IQCM: variants seen among roughly 807,000 people sequenced by gnomAD.
IQCM encodes IQ domain-containing protein M.
IQCM carries 45 observed loss-of-function variants against 57.6 expected under a neutral mutation model. That is an observed-to-expected ratio of 0.78 (90% CI 0.62 to 1.00). The LOEUF (loss-of-function observed/expected upper bound fraction) is 1.00, where lower values mean the gene tolerates loss of function less well. Among genes scored for constraint, IQCM ranks in the 50% least tolerant of loss-of-function variants. IQCM has a pLI of 0.00. For synonymous variants in IQCM, 148 were observed against 158.9 expected, an observed-to-expected ratio of 0.93 and a Z score of 0.51; for missense variants, 468 against 511.6, an observed-to-expected ratio of 0.91 and a Z score of 0.82.
intron 12 of IQCM, among the ~76,000 whole-genome samples, chr4:149,546,769 T>C (rs2149891614): frequency 6.6e-6 from 1 of 152,300 alleles, no homozygotes; most frequent in East Asian, 1.9e-4. Context: ...ATTCTGTAGG[T>C]TGTCTGTTCA....
intron 13 of IQCM, among the ~76,000 whole-genome samples, chr4:149,421,952 C>T (rs967444948): frequency 2.0e-5 from 3 of 151,984 alleles, no homozygotes; most frequent in Admixed American, 2.0e-4. Flanking sequence ...TACATAATGA[C>T]ATACCTTTAA....
chr4:149,356,279 T>G (rs1728972483), intron 13 of IQCM, among the ~76,000 whole-genome samples: 1 of 152,230 alleles, frequency 6.6e-6, no homozygotes, highest in Non-Finnish European at 1.5e-5. Context: ...TTGGCTTTTG[T>G]TGCCTTTGCT....
intron 12 of IQCM, among the ~76,000 whole-genome samples, chr4:149,515,589 C>T (rs2359556): frequency 0.47 from 72,207 of 152,042 alleles, 17,694 homozygotes; most frequent in Non-Finnish European, 0.54. Flanking sequence ...CAGGTACCAC[C>T]TGAAAGTGGA....
At chr4:149,417,028 G>A (rs990070637) in intron 13 of IQCM, among the ~76,000 whole-genome samples, 14 of 152,086 alleles carry the variant, frequency 9.2e-5, no homozygotes, top group African/African-American at 3.4e-4. Flanking sequence ...TGAGGGAAAA[G>A]ATTTAGACCT....
intron 13 of IQCM, among the ~76,000 whole-genome samples, chr4:149,367,014 C>G (rs967034207): frequency 6.6e-6 from 1 of 152,110 alleles, no homozygotes; most frequent in Non-Finnish European, 1.5e-5. Flanking sequence ...GTATTTAATT[C>G]TGTGCAAGGC....
intron 12 of IQCM, among the ~76,000 whole-genome samples, chr4:149,528,922 C>T (rs547687030): frequency 3.2e-4 from 49 of 152,058 alleles, no homozygotes; most frequent in African/African-American, 1.1e-3. Flanking sequence ...TTTTATTCTG[C>T]TGCACTAAAG....
intron 2 of IQCM, among the ~76,000 whole-genome samples, chr4:149,752,550 T>TTA (rs1768553629): frequency 7.1e-6 from 1 of 141,240 alleles, no homozygotes; most frequent in South Asian, 2.3e-4. Context: ...GACTCTGTCT[T>TTA]AAAAAAAAAA....
At chr4:149,682,509 G>A (rs906746091) in intron 6 of IQCM, among the ~76,000 whole-genome samples, 2 of 151,102 alleles carry the variant, frequency 1.3e-5, no homozygotes, top group African/African-American at 4.8e-5. Context: ...TTTCTTCAGT[G>A]TTTTGCAAGA....
intron 12 of IQCM, among the ~76,000 whole-genome samples, chr4:149,516,344 A>G (rs1294206793): frequency 8.5e-5 from 13 of 152,172 alleles, no homozygotes. Flanking sequence ...GGACTCACAG[A>G]GTGCCTTACA....
chr4:149,499,480 T>C (rs956427330), intron 12 of IQCM, among the ~76,000 whole-genome samples: 2 of 152,168 alleles, frequency 1.3e-5, no homozygotes, highest in Admixed American at 6.6e-5. Flanking sequence ...TGAACCTATA[T>C]TGGATAATAA....
chr4:149,463,172 C>A (rs1214731271), intron 12 of IQCM, among the ~76,000 whole-genome samples: 2 of 152,070 alleles, frequency 1.3e-5, no homozygotes, highest in Non-Finnish European at 2.9e-5. Context: ...ATGGGGTTCT[C>A]CAATGAAAAT....
chr4:149,569,598 T>C (rs1456608507), intron 9 of IQCM, among the ~76,000 whole-genome samples: 1 of 152,168 alleles, frequency 6.6e-6, no homozygotes, highest in Non-Finnish European at 1.5e-5. Flanking sequence ...TTACAGGTTA[T>C]AAATTTCATC....
At chr4:149,676,952 T>C (rs1761802025) in intron 7 of IQCM, among the ~76,000 whole-genome samples, 1 of 151,830 alleles carries the variant, frequency 6.6e-6, no homozygotes, top group Non-Finnish European at 1.5e-5. Context: ...ACACAAAAAT[T>C]ATGAACACAA....
chr4:149,428,669 C>T (rs932997980), intron 13 of IQCM, among the ~76,000 whole-genome samples: 1 of 151,772 alleles, frequency 6.6e-6, no homozygotes, highest in Non-Finnish European at 1.5e-5. Context: ...TTGCTGGAAT[C>T]TTTAAAGCTA....
At chr4:149,517,256 G>C (rs1745076186) in intron 12 of IQCM, among the ~76,000 whole-genome samples, 1 of 152,046 alleles carries the variant, frequency 6.6e-6, no homozygotes, top group Non-Finnish European at 1.5e-5. Flanking sequence ...GACTTAATTG[G>C]CATGAATATT....
intron 12 of IQCM, among the ~76,000 whole-genome samples, chr4:149,546,869 G>T (rs559667492): frequency 1.3e-5 from 2 of 152,082 alleles, no homozygotes; most frequent in East Asian, 3.9e-4. Flanking sequence ...CATTGCTTTT[G>T]GTGTTTTAGA....
At chr4:149,815,532 G>A (rs1278356980) in intron 1 of IQCM, 68 bp downstream of exon 1, 9 of 151,906 alleles carry the variant, frequency 5.9e-5, no homozygotes, top group Admixed American at 1.3e-4. Context: ...CAGAAAGTGT[G>A]TAAAGCTTTT....
At chr4:149,714,514 T>C (rs374387066) in intron 5 of IQCM, among the ~76,000 whole-genome samples, 1 of 152,200 alleles carries the variant, frequency 6.6e-6, no homozygotes, top group Non-Finnish European at 1.5e-5. Flanking sequence ...CATTTCAGAC[T>C]TTATATAGTA....
chr4:149,802,016 A>ATG (rs1773649122), intron 2 of IQCM, among the ~76,000 whole-genome samples: 1 of 151,806 alleles, frequency 6.6e-6, no homozygotes, highest in Non-Finnish European at 1.5e-5. Flanking sequence ...TAATATATAT[A>ATG]TATCTACTAT....
Sources: allele counts gnomAD v4.1 joint callset (sites outside exome capture counted in the v4.1 genomes callset), GRCh38; gene constraint gnomAD v4.1.1; transcripts MANE v1.5; gene names NCBI Gene and HGNC (gene_info 2026-07-23, HGNC 2026-07-21).